The following CPVL variants were observed in gnomAD, a reference collection of about 807,000 sequenced individuals.
The protein encoded by CPVL is probable serine carboxypeptidase CPVL.
CPVL carries 51 observed loss-of-function variants against 63.7 expected under a neutral mutation model. The observed-to-expected ratio is 0.80, with a 90% CI of 0.64 to 1.01. The LOEUF (loss-of-function observed/expected upper bound fraction) is 1.01, where lower values mean the gene tolerates loss of function less well. Ranked by LOEUF, CPVL falls within the 50% of genes least tolerant of loss-of-function variation. The pLI, the probability that CPVL is intolerant of heterozygous loss-of-function variation, is 0.00. For synonymous variants in CPVL, 195 were observed against 206.0 expected, an observed-to-expected ratio of 0.95 and a Z score of 0.46; for missense variants, 530 against 573.1, an observed-to-expected ratio of 0.92 and a Z score of 0.77.
In CPVL at chr7:29,077,310, AT is replaced by A. The variant is rs764534059; in HGVS notation, c.610-4888del. ...CTCTGAAGTTTAGTAGAAAAAAAAA[AT>A]AGATACACTTATACACTCATTCTCT... On this transcript the variant is annotated intron_variant, in intron 7 of 12. Transcript: ENST00000265394. Among the ~76,000 whole-genome samples, 736 of 151,242 alleles carry A rather than the reference AT, an allele frequency of 4.9e-3. 3 individuals carry two copies. The highest frequency in any genetic ancestry group is 0.014 in the Middle Eastern group (4 of 294).
rs1783971531 is a variant in CPVL at position 28,995,477 on chromosome 7, C to CT, written c.*294dup. 1 of 260,876 alleles carries CT rather than the reference C, an allele frequency of 3.8e-6. No individual in the cohort carries two copies. The highest frequency in any genetic ancestry group is 7.1e-6 in the Non-Finnish European group (1 of 140,274). 16.2% of individuals were successfully genotyped at this position (260,876 alleles called of 1,614,324 possible). On this transcript the variant is annotated 3_prime_UTR_variant, in exon 13 of 13. Transcript: ENST00000265394. ...CACTTACTCTTAGAAGAAATTAAAACTTCCTATTCAAGACCCTAAAATTTC... is the reference window on the plus strand; with the variant it reads ...CACTTACTCTTAGAAGAAATTAAAACTTTCCTATTCAAGACCCTAAAATTTC...
chr7:29,019,707 G>A (rs953727932), intron 12 of CPVL, among the ~76,000 whole-genome samples: 9 of 152,096 alleles, frequency 5.9e-5, no homozygotes, highest in African/African-American at 2.2e-4. Context: ...ATTATCAGAC[G>A]CTTGACACTT....
chr7:29,032,126 C>T (rs923337151), intron 11 of CPVL, among the ~76,000 whole-genome samples: 2 of 152,100 alleles, frequency 1.3e-5, no homozygotes, highest in Non-Finnish European at 2.9e-5. Context: ...CTGATTTGGC[C>T]CGAGTGGAGA....
chr7:29,065,260 G>A (rs1206018088), intron 10 of CPVL, among the ~76,000 whole-genome samples: 2 of 152,120 alleles, frequency 1.3e-5, no homozygotes, highest in African/African-American at 4.8e-5. Flanking sequence ...TTTTGTTTCT[G>A]TCTTGTCTAC....
intron 3 of CPVL, among the ~76,000 whole-genome samples, chr7:29,108,076 G>A (rs1179672740): frequency 6.6e-6 from 1 of 152,228 alleles, no homozygotes; most frequent in Non-Finnish European, 1.5e-5. Flanking sequence ...GATCCTGAGA[G>A]GGAGCCCTTC....
intron 1 of CPVL, among the ~76,000 whole-genome samples, chr7:29,137,439 T>G (rs1467557758): frequency 2.0e-5 from 3 of 152,184 alleles, no homozygotes; most frequent in African/African-American, 4.8e-5. Flanking sequence ...CCTAACCTTA[T>G]TAAGCAAATG....
intron 6 of CPVL, among the ~76,000 whole-genome samples, chr7:29,089,863 T>TA (rs897012682): frequency 6.6e-5 from 10 of 150,712 alleles, no homozygotes; most frequent in Admixed American, 5.3e-4. Flanking sequence ...TTGAATTCTT[T>TA]TTTTTTTTTT....
At chr7:29,150,417 G>A (rs1330116704), upstream of CPVL, among the ~76,000 whole-genome samples, 2 of 152,186 alleles carry the variant, frequency 1.3e-5, no homozygotes, top group Non-Finnish European at 2.9e-5. Flanking sequence ...TCTAGGCTGT[G>A]ACTGCAGTTC....
chr7:29,112,658 G>A (rs1200778091), intron 3 of CPVL, 46 bp downstream of exon 3: 5 of 1,294,268 alleles, frequency 3.9e-6, no homozygotes, highest in Non-Finnish European at 5.6e-6. Flanking sequence ...CCCTCAAACG[G>A]CAAGCCAGGT....
At chr7:29,164,779 C>CAAAAAA (rs55742522) in intron 5 of CPVL, among the ~76,000 whole-genome samples, 4 of 85,876 alleles carry the variant, frequency 4.7e-5, no homozygotes, top group Non-Finnish European at 4.5e-5. Context: ...AGACCTGTCT[C>CAAAAAA]AAAAAAAAAA....
Position 29,052,994 on chromosome 7 carries a change from A to G in CPVL, c.1137+11067T>C, listed in dbSNP as rs142980806. Among the ~76,000 whole-genome samples the G allele has an allele frequency of 5.9e-5, 9 of 152,346 alleles. No homozygotes were observed. In the South Asian group the frequency reaches 6.2e-4, roughly 11 times the overall value. On this transcript the variant is annotated intron_variant, in intron 11 of 12. Coordinates refer to ENST00000265394, the MANE Select transcript of CPVL (RefSeq NM_031311.5). ...TTAATTAGCAACCCAATTAATAGGC[A>G]AAGTATTTGGATACACATTTCTCCA... is the stretch of plus-strand genomic sequence containing the variant.
intron 5 of CPVL, among the ~76,000 whole-genome samples, chr7:29,167,562 A>G (rs988574002): frequency 2.0e-5 from 3 of 152,180 alleles, no homozygotes; most frequent in Non-Finnish European, 4.4e-5. Flanking sequence ...GACTATATGA[A>G]TTTTCAACTT....
chr7:29,135,326 T>C (rs7804340), intron 1 of CPVL, among the ~76,000 whole-genome samples: 41,379 of 151,458 alleles, frequency 0.27, 6,340 homozygotes, highest in African/African-American at 0.43. Context: ...AAAGCCAAAA[T>C]TGTATTAGAT....
Position 29,062,805 on chromosome 7 carries a change from G to A in CPVL, c.1137+1256C>T, listed in dbSNP as rs190071017. On this transcript the variant is annotated intron_variant, in intron 11 of 12. Coordinates refer to ENST00000265394, the MANE Select transcript of CPVL (RefSeq NM_031311.5). ...ATATCAGGACAATTTCTGAAAGATCGAAATAAAGTATCTTGAGGAGAGGAT... is the reference window on the plus strand; with the variant it reads ...ATATCAGGACAATTTCTGAAAGATCAAAATAAAGTATCTTGAGGAGAGGAT... Among the ~76,000 whole-genome samples, 22 of 152,286 alleles carry A rather than the reference G, an allele frequency of 1.4e-4. No individual in the cohort carries two copies. In the East Asian group the frequency reaches 2.7e-3, roughly 19 times the overall value.
rs1260381568 is a variant in CPVL at position 28,999,008 on chromosome 7, G to C, written c.1321-3126C>G. Among the ~76,000 whole-genome samples the C allele has an allele frequency of 7.2e-5, 11 of 151,778 alleles. No homozygotes were observed. The East Asian group carries it at 1.4e-3, about 19-fold the overall frequency. On this transcript the variant is annotated intron_variant, in intron 12 of 12. Transcript: ENST00000265394. ...ATCATTTGAGGTCAGGAGTTTGAAA[G>C]AGCCTGGCCAACATGGCGAAACCCT...
chr7:29,093,661 AT>A (rs956799002), intron 5 of CPVL, among the ~76,000 whole-genome samples: 11 of 152,332 alleles, frequency 7.2e-5, no homozygotes, highest in Middle Eastern at 3.4e-3. Flanking sequence ...AGAAGCTACT[AT>A]TTTTATGTCA....
intron 7 of CPVL, among the ~76,000 whole-genome samples, chr7:29,076,097 G>A (rs927776567): frequency 2.6e-5 from 4 of 151,444 alleles, no homozygotes; most frequent in African/African-American, 4.9e-5. Flanking sequence ...TACCTCATTT[G>A]CCTTTTCCTG....
chr7:29,128,794 A>C (rs1465051337), intron 1 of CPVL, among the ~76,000 whole-genome samples: 1 of 152,142 alleles, frequency 6.6e-6, no homozygotes, highest in East Asian at 1.9e-4. Flanking sequence ...TTCAGCTAAC[A>C]ATGAGTGGGA....
intron 11 of CPVL, among the ~76,000 whole-genome samples, chr7:29,049,351 G>A (rs986220681): frequency 1.3e-5 from 2 of 152,118 alleles, no homozygotes; most frequent in South Asian, 4.2e-4. Context: ...CAACACCACT[G>A]AAATATAAAA....
Sources: allele counts gnomAD v4.1 joint callset (sites outside exome capture counted in the v4.1 genomes callset), GRCh38; gene constraint gnomAD v4.1.1; transcripts MANE v1.5; gene names NCBI Gene and HGNC (gene_info 2026-07-23, HGNC 2026-07-21).